The following SH3BGRL2 variants were observed in gnomAD, a reference collection of about 807,000 sequenced individuals.
SH3BGRL2 encodes the protein SH3 domain binding glutamate rich protein like 2, also known as SH3 domain-binding glutamic acid-rich-like protein 2.
In SH3BGRL2, 21 loss-of-function variants were observed where a neutral mutation model predicts 14.8. That is an observed-to-expected ratio of 1.42 (90% CI 1.01 to 2.05). The LOEUF (loss-of-function observed/expected upper bound fraction) is 2.05, where lower values mean the gene tolerates loss of function less well. Ranked by LOEUF, SH3BGRL2 falls within the 30% of genes most tolerant of loss-of-function variation. The probability of loss-of-function intolerance (pLI) is 0.00; values close to 1 mark genes in which losing one functional copy is unlikely to be tolerated. For synonymous variants in SH3BGRL2, 50 were observed against 47.8 expected (o/e 1.05, Z -0.19); for missense variants, 147 against 130.8 (o/e 1.12, Z -0.61).
the SH3BGRL2 span, among the ~76,000 whole-genome samples, chr6:79,538,353 G>A: frequency 6.6e-6 from 1 of 151,968 alleles, no homozygotes; most frequent in Non-Finnish European, 1.5e-5. Flanking sequence ...CCTGCTTCTC[G>A]CTCAACCTCG....
At chr6:79,567,933 G>A in the SH3BGRL2 span, among the ~76,000 whole-genome samples, 1 of 152,114 alleles carries the variant, frequency 6.6e-6, no homozygotes, top group Non-Finnish European at 1.5e-5. Context: ...AGCGACTATG[G>A]ATATCCATTT....
At chr6:79,547,180 C>A in the SH3BGRL2 span, among the ~76,000 whole-genome samples, 1 of 151,996 alleles carries the variant, frequency 6.6e-6, no homozygotes, top group African/African-American at 2.4e-5. Context: ...AGGATAAGAA[C>A]CAGACTGTCC....
At chr6:79,576,506 G>GAAA in the SH3BGRL2 span, among the ~76,000 whole-genome samples, 1 of 151,808 alleles carries the variant, frequency 6.6e-6, no homozygotes, top group East Asian at 1.9e-4. Context: ...CTTTTTTGTT[G>GAAA]CTGTTGAAAA....
intron 1 of SH3BGRL2, among the ~76,000 whole-genome samples, chr6:79,670,423 G>T (rs1438196089): frequency 6.6e-6 from 1 of 152,232 alleles, no homozygotes; most frequent in African/African-American, 2.4e-5. Context: ...CAACATGTTG[G>T]TTGTTGCTCT....
the SH3BGRL2 span, among the ~76,000 whole-genome samples, chr6:79,589,202 A>ATT: frequency 1.6e-4 from 11 of 68,976 alleles, no homozygotes; most frequent in East Asian, 1.6e-3. Flanking sequence ...ATATATATAT[A>ATT]TATATTTTTT....
chr6:79,556,423 C>T, the SH3BGRL2 span, among the ~76,000 whole-genome samples: 1 of 152,090 alleles, frequency 6.6e-6, no homozygotes, highest in Non-Finnish European at 1.5e-5. Flanking sequence ...AGTCTAACAT[C>T]ATTAGAAAAC....
chr6:79,689,620 C>A (rs1197951230), intron 2 of SH3BGRL2, among the ~76,000 whole-genome samples: 1 of 151,766 alleles, frequency 6.6e-6, no homozygotes, highest in African/African-American at 2.4e-5. Context: ...GTGGTACAAT[C>A]TCAAAATTTT....
the SH3BGRL2 span, among the ~76,000 whole-genome samples, chr6:79,540,912 A>T: frequency 6.6e-6 from 1 of 152,146 alleles, no homozygotes; most frequent in Non-Finnish European, 1.5e-5. Context: ...ACTGAAAGTT[A>T]TTTTTGGAGT....
the SH3BGRL2 span, among the ~76,000 whole-genome samples, chr6:79,587,040 G>A: frequency 6.6e-6 from 1 of 152,150 alleles, no homozygotes; most frequent in Non-Finnish European, 1.5e-5. Flanking sequence ...CCCCCAGGTG[G>A]TCCTGACATA....
At chr6:79,659,177 C>A (rs553676437) in intron 1 of SH3BGRL2, among the ~76,000 whole-genome samples, 1 of 152,056 alleles carries the variant, frequency 6.6e-6, no homozygotes. Context: ...CTTTTGTTGC[C>A]ATTACTTTTG....
At chr6:79,614,850 A>G in the SH3BGRL2 span, among the ~76,000 whole-genome samples, 5 of 152,292 alleles carry the variant, frequency 3.3e-5, no homozygotes, top group East Asian at 1.9e-4. Context: ...CAGGACAGAC[A>G]GCAGCCAGGT....
chr6:79,620,089 A>G, the SH3BGRL2 span, among the ~76,000 whole-genome samples: 3 of 151,794 alleles, frequency 2.0e-5, no homozygotes, highest in African/African-American at 7.3e-5. Context: ...CATATTCTCC[A>G]GTTGTTGTTG....
At chr6:79,666,899 C>T (rs1769671170) in intron 1 of SH3BGRL2, among the ~76,000 whole-genome samples, 1 of 152,136 alleles carries the variant, frequency 6.6e-6, no homozygotes. Flanking sequence ...CCTTTGAAAG[C>T]ACTCAGAAGT....
the SH3BGRL2 span, among the ~76,000 whole-genome samples, chr6:79,616,147 T>G: frequency 6.6e-6 from 1 of 152,282 alleles, no homozygotes; most frequent in Middle Eastern, 3.4e-3. Flanking sequence ...AGAATCTTAT[T>G]TTGTAATAAT....
the SH3BGRL2 span, among the ~76,000 whole-genome samples, chr6:79,596,628 T>A: frequency 6.6e-6 from 1 of 152,112 alleles, no homozygotes; most frequent in Non-Finnish European, 1.5e-5. Context: ...ACAGAATACC[T>A]AAATAAATGA....
At chr6:79,609,330 A>G in the SH3BGRL2 span, among the ~76,000 whole-genome samples, 5 of 152,186 alleles carry the variant, frequency 3.3e-5, no homozygotes, top group Non-Finnish European at 5.9e-5. Context: ...TTGACTGTCT[A>G]TTAGGCAAAC....
At chr6:79,699,025 C>T (rs1562161523) in intron 3 of SH3BGRL2, among the ~76,000 whole-genome samples, 1 of 151,782 alleles carries the variant, frequency 6.6e-6, no homozygotes, top group Non-Finnish European at 1.5e-5. Flanking sequence ...ACAGAGGCCC[C>T]CTGTGCCAGA....
At chr6:79,673,592 T>C (rs772542816) in intron 1 of SH3BGRL2, 22 bp from the exon 2 acceptor site, 2 of 1,611,032 alleles carry the variant, frequency 1.2e-6, no homozygotes, top group South Asian at 2.2e-5. Context: ...TATCTACTTA[T>C]TTGTTTGTCT....
At chr6:79,692,294 T>C (rs373766116) in intron 2 of SH3BGRL2, among the ~76,000 whole-genome samples, 5 of 152,100 alleles carry the variant, frequency 3.3e-5, no homozygotes, top group Admixed American at 6.6e-5. Flanking sequence ...AATTTTCTCC[T>C]ATTTTGTAGG....
Sources: gnomAD v4.1 joint callset for allele counts (sites outside exome capture counted in the v4.1 genomes callset) on GRCh38, gnomAD v4.1.1 for gene constraint, MANE v1.5 for transcripts, NCBI Gene and HGNC (gene_info 2026-07-23, HGNC 2026-07-21) for gene names.